Variants in RSBN1 observed in about 807,000 individuals in gnomAD.
RSBN1 encodes the protein lysine-specific demethylase 9.
In RSBN1, 23 loss-of-function variants were observed where a neutral mutation model predicts 74.8. The observed-to-expected ratio is 0.31, with a 90% CI of 0.22 to 0.44. RSBN1 has a LOEUF of 0.44. Ranked by LOEUF, RSBN1 falls within the 20% of genes least tolerant of loss-of-function variation. The probability of loss-of-function intolerance (pLI) is 1.00; values close to 1 mark genes in which losing one functional copy is unlikely to be tolerated. For synonymous variants in RSBN1, 407 were observed against 379.6 expected (o/e 1.07, Z -0.84); for missense variants, 808 against 1,020.9 (o/e 0.79, Z 2.84).
At chr1:113,811,137 A>G (rs919323869) in intron 1 of RSBN1, among the ~76,000 whole-genome samples, 1 of 152,236 alleles carries the variant, frequency 6.6e-6, no homozygotes, top group South Asian at 2.1e-4. Flanking sequence ...GCCTATTCTA[A>G]GAATTTAAAT....
In RSBN1 at chr1:113,812,154, G is replaced by T; in HGVS notation, c.259C>A (p.Arg87=). The T allele has an allele frequency of 6.2e-7, 1 of 1,609,820 alleles. No individual in the cohort carries two copies. Among genetic ancestry groups the T allele is most frequent in the Non-Finnish European group, 8.5e-7 (1 of 1,179,830 alleles). The change falls in exon 1 of 7, where the codon CGG becomes AGG. Residue 87 remains arginine, a synonymous_variant. Transcript: ENST00000261441. ...HAGVSPRGVK[R]QRRSSSGGSQ... ...CCCCCACTGCTAGATCGGCGCTGCC[G>T]TTTAACTCCCCGCGGGGAGACCCCA...
intron 1 of RSBN1, 89 bp from the exon 2 acceptor site, chr1:113,798,125 ATCCTC>A: frequency 8.8e-7 from 1 of 1,141,102 alleles, no homozygotes; most frequent in African/African-American, 1.5e-5. Flanking sequence ...TAAATAGCCT[ATCCTC>A]AATTTCTCTG....
chr1:113,802,285 T>G (rs1488687601), intron 1 of RSBN1, among the ~76,000 whole-genome samples: 2 of 151,784 alleles, frequency 1.3e-5, no homozygotes, highest in African/African-American at 4.8e-5. Context: ...ACAGCAATTC[T>G]TATACTCTAA....
intron 1 of RSBN1, among the ~76,000 whole-genome samples, chr1:113,809,796 TAAATTAA>T (rs1387795475): frequency 6.6e-6 from 1 of 152,226 alleles, no homozygotes; most frequent in African/African-American, 2.4e-5. Context: ...TGACTAATTA[TAAATTAA>T]TTAGAATTAA....
intron 2 of RSBN1, among the ~76,000 whole-genome samples, chr1:113,794,703 C>A (rs188542564): frequency 1.3e-5 from 2 of 152,330 alleles, no homozygotes; most frequent in East Asian, 3.9e-4. Flanking sequence ...CATTAGGTAA[C>A]ACAGACAGTG....
intron 4 of RSBN1, among the ~76,000 whole-genome samples, chr1:113,772,998 C>T (rs1275364030): frequency 6.6e-6 from 1 of 151,258 alleles, no homozygotes; most frequent in Admixed American, 6.6e-5. Flanking sequence ...GGAGAAACCT[C>T]AAAGGATAGA....
At chr1:113,781,682 C>T (rs1426515704) in intron 2 of RSBN1, among the ~76,000 whole-genome samples, 1 of 152,054 alleles carries the variant, frequency 6.6e-6, no homozygotes, top group Non-Finnish European at 1.5e-5. Context: ...TGTAAGGTTC[C>T]CTTCCCCTCC....
chr1:113,786,471 C>T lies in RSBN1; in HGVS notation c.1378-8663G>A, dbSNP rs533445023. ...CCAGGTGGGCTTAAATGTAATAACA[C>T]GTGTCTTTTAAAGACTGAGGCAAAG... On this transcript the variant is annotated intron_variant, in intron 2 of 6. Transcript: ENST00000261441. 3.3e-5 allele frequency among the ~76,000 whole-genome samples: 5 copies of T among 152,204 alleles called. No individual in the cohort carries two copies. In the South Asian group the frequency reaches 6.2e-4, roughly 19 times the overall value.
Position 113,812,302 on chromosome 1 carries a change from C to T in RSBN1, c.111G>A (p.Ala37=). The T allele has an allele frequency of 6.2e-7, 1 of 1,604,274 alleles. No homozygotes were observed. The highest frequency in any genetic ancestry group is 8.5e-7 in the Non-Finnish European group (1 of 1,179,816). The change falls in exon 1 of 7, where the codon GCG becomes GCA. Residue 37 remains alanine, a synonymous_variant. Transcript: ENST00000261441. ...AALARCADGG[A]VGPFKCVFVG... is the part of the protein sequence containing the mutation. ...CAAACACACATTTAAATGGCCCGAC[C>T]GCCCCCCCGTCCGCGCATCGCGCAA...
intron 4 of RSBN1, 36 bp downstream of exon 4, chr1:113,777,174 A>G (rs749171591): frequency 3.8e-6 from 6 of 1,582,678 alleles, no homozygotes; most frequent in Non-Finnish European, 4.3e-6. Flanking sequence ...ACTAAAAAAA[A>G]GTAGTTTTGC....
intron 4 of RSBN1, among the ~76,000 whole-genome samples, chr1:113,769,651 A>T (rs1263872909): frequency 6.6e-6 from 1 of 152,224 alleles, no homozygotes; most frequent in Non-Finnish European, 1.5e-5. Flanking sequence ...GAGCAATATC[A>T]ACAAACTTTT....
intron 4 of RSBN1, among the ~76,000 whole-genome samples, chr1:113,774,542 T>C (rs568398448): frequency 6.6e-6 from 1 of 151,792 alleles, no homozygotes; most frequent in Non-Finnish European, 1.5e-5. Flanking sequence ...CCGGGCATCA[T>C]AGCGGGAGGC....
intron 4 of RSBN1, among the ~76,000 whole-genome samples, chr1:113,774,823 C>G (rs924270233): frequency 2.0e-5 from 3 of 152,132 alleles, no homozygotes; most frequent in Non-Finnish European, 4.4e-5. Context: ...CCACTGCACT[C>G]CAGCCTAGGT....
chr1:113,811,150 C>T (rs915394951), intron 1 of RSBN1, among the ~76,000 whole-genome samples: 5 of 152,110 alleles, frequency 3.3e-5, no homozygotes, highest in African/African-American at 1.2e-4. Context: ...ATTTAAATAG[C>T]TAATATGAAA....
intron 2 of RSBN1, among the ~76,000 whole-genome samples, chr1:113,780,665 G>A (rs796469676): frequency 6.6e-5 from 10 of 152,280 alleles, no homozygotes; most frequent in African/African-American, 1.2e-4. Context: ...CTCATCTTAC[G>A]AGGATCTTCA....
chr1:113,806,854 A>AC (rs1461426180), intron 1 of RSBN1, among the ~76,000 whole-genome samples: 4 of 151,018 alleles, frequency 2.6e-5, no homozygotes, highest in East Asian at 3.9e-4. Flanking sequence ...AAAAAAAAAA[A>AC]AAAAAAACAT....
Position 113,766,139 on chromosome 1 carries a change from A to C in RSBN1, c.2250T>G (p.Ile750Met). ...ATGATGAAGCAGTTGTTAACAGCTG[A>C]ATCTCTGTGCATGCTTCTTCAGATT... ...KTESEEACTE[I>M]QLLTTASSSF... is the part of the protein sequence containing the mutation. The change falls in exon 7 of 7, where the codon ATT becomes ATG. Residue 750 changes from isoleucine to methionine, a missense_variant. Physicochemically the swap from Ile to Met is conservative, Grantham distance 10 (BLOSUM62 1). This residue lies in a region of RSBN1 where 91 missense variants were observed against 99.6 expected (regional missense o/e 0.91). Transcript: ENST00000261441. 2 of 1,614,050 alleles carry C rather than the reference A, an allele frequency of 1.2e-6. No homozygotes were observed. The highest frequency in any genetic ancestry group is 1.7e-6 in the Non-Finnish European group (2 of 1,179,962).
intron 4 of RSBN1, among the ~76,000 whole-genome samples, chr1:113,776,928 C>G (rs955236244): frequency 3.3e-5 from 5 of 151,544 alleles, no homozygotes; most frequent in Non-Finnish European, 5.9e-5. Context: ...AGAAGAGGTA[C>G]AGTTGACCTG....
intron 4 of RSBN1, among the ~76,000 whole-genome samples, chr1:113,773,828 C>T (rs907671461): frequency 9.9e-5 from 15 of 152,014 alleles, no homozygotes; most frequent in African/African-American, 3.6e-4. Flanking sequence ...CATGGTGAAA[C>T]CCCGTCTCTA....
Sources: gnomAD v4.1 joint callset for allele counts (sites outside exome capture counted in the v4.1 genomes callset) on GRCh38, gnomAD v4.1.1 for gene constraint, gnomAD v4.1.1 regional missense constraint, MANE v1.5 for transcripts, NCBI Gene and HGNC (gene_info 2026-07-23, HGNC 2026-07-21) for gene names.